The following FMN1 variants were observed in gnomAD, a reference collection of about 807,000 sequenced individuals.
FMN1 encodes the protein formin 1, also known as formin-1.
In FMN1, 110 loss-of-function variants were observed where a neutral mutation model predicts 132.4. The observed-to-expected ratio is 0.83, with a 90% CI of 0.71 to 0.97. FMN1 has a LOEUF of 0.97. Among genes scored for constraint, FMN1 ranks in the 50% least tolerant of loss-of-function variants. The pLI, the probability that FMN1 is intolerant of heterozygous loss-of-function variation, is 0.00. For missense variants in FMN1, 1,792 were observed against 1,705.3 expected (o/e 1.05, Z -0.90); for synonymous variants, 722 against 651.7 (o/e 1.11, Z -1.64).
At chr15:32,999,185 A>C (rs138797808) in intron 7 of FMN1, among the ~76,000 whole-genome samples, 1 of 152,328 alleles carries the variant, frequency 6.6e-6, no homozygotes, top group East Asian at 1.9e-4. Flanking sequence ...CATACTTGTG[A>C]AAGTTTTGTT....
chr15:32,920,819 C>T (rs2060802325), intron 10 of FMN1, among the ~76,000 whole-genome samples: 1 of 152,242 alleles, frequency 6.6e-6, no homozygotes, highest in Non-Finnish European at 1.5e-5. Context: ...GCAATTCTCT[C>T]TCCAAATATC....
chr15:32,844,588 C>T (rs2058816690), intron 17 of FMN1, among the ~76,000 whole-genome samples: 3 of 152,166 alleles, frequency 2.0e-5, no homozygotes, highest in South Asian at 4.1e-4. Context: ...TCAAATTATA[C>T]ATATAACAAA....
intron 4 of FMN1, among the ~76,000 whole-genome samples, chr15:33,103,701 T>C (rs901650558): frequency 1.3e-5 from 2 of 152,140 alleles, no homozygotes; most frequent in Admixed American, 1.3e-4. Context: ...CATTTTGTTA[T>C]GTAGAAGAGT....
rs28756786 is a variant in FMN1, at chr15:32,772,373, A to T, written c.*1937T>A. ...GCCCCACATAACTCAAAAGAGCTGA[A>T]TTATATGGCATGGGTAAAACTGGCA... On this transcript the variant is annotated 3_prime_UTR_variant, in exon 21 of 21. Transcript: ENST00000616417. 0.57 allele frequency: 85,966 copies of T among 151,930 alleles called. 24,731 individuals carry two copies. Among genetic ancestry groups the T allele is most frequent in the East Asian group, 0.77 (3,943 of 5,146 alleles). 9.4% of individuals were successfully genotyped at this position (151,930 alleles called of 1,614,324 possible).
intron 4 of FMN1, among the ~76,000 whole-genome samples, chr15:33,110,993 T>TG (rs2140124113): frequency 6.6e-6 from 1 of 152,274 alleles, no homozygotes; most frequent in Non-Finnish European, 1.5e-5. Context: ...TTAACACATG[T>TG]GAAAAAGTGC....
At chr15:33,072,931 A>AC (rs2038054510) in intron 5 of FMN1, among the ~76,000 whole-genome samples, 1 of 151,982 alleles carries the variant, frequency 6.6e-6, no homozygotes, top group East Asian at 1.9e-4. Context: ...TCAAAAAAAA[A>AC]AAAAAACAAA....
intron 3 of FMN1, among the ~76,000 whole-genome samples, chr15:33,165,400 C>T (rs903737775): frequency 7.2e-5 from 11 of 151,938 alleles, no homozygotes; most frequent in Non-Finnish European, 1.2e-4. Context: ...GTTTTTCTTT[C>T]TTTTTTTTGA....
intron 16 of FMN1, among the ~76,000 whole-genome samples, chr15:32,863,506 G>C (rs545386578): frequency 6.6e-6 from 1 of 152,248 alleles, no homozygotes; most frequent in South Asian, 2.1e-4. Context: ...CACCTACTAC[G>C]TGCCATAAAT....
intron 15 of FMN1, among the ~76,000 whole-genome samples, chr15:32,889,483 G>A (rs2059974016): frequency 1.3e-5 from 2 of 152,052 alleles, no homozygotes; most frequent in Admixed American, 6.5e-5. Flanking sequence ...TTTATGATCT[G>A]GCCTCTGTCT....
chr15:32,779,358 A>T lies in FMN1; in HGVS notation c.4131-2439T>A, dbSNP rs187889511. On this transcript the variant is annotated intron_variant, in intron 19 of 20. Coordinates refer to ENST00000616417, the MANE Select transcript of FMN1 (RefSeq NM_001277313.2). ...CAACTTATTAAAAATTCATTAATTC[A>T]GCATGATAGTATTTCTTACCCATCA... Among the ~76,000 whole-genome samples the T allele has an allele frequency of 2.6e-3, 396 of 152,362 alleles. 4 individuals are homozygous for T. The highest frequency in any genetic ancestry group is 8.9e-3 in the African/African-American group (370 of 41,582).
chr15:32,960,591 A>C (rs926064228), intron 9 of FMN1, among the ~76,000 whole-genome samples: 1 of 152,230 alleles, frequency 6.6e-6, no homozygotes, highest in African/African-American at 2.4e-5. Context: ...TTTGATTAAC[A>C]GAAAACTGAA....
At chr15:32,813,380 A>G (rs2057952202) in intron 17 of FMN1, among the ~76,000 whole-genome samples, 1 of 152,204 alleles carries the variant, frequency 6.6e-6, no homozygotes, top group Non-Finnish European at 1.5e-5. Context: ...TGGGATCTAA[A>G]TGAAGTATAT....
intron 5 of FMN1, among the ~76,000 whole-genome samples, chr15:33,073,417 G>A (rs11636433): frequency 0.33 from 50,551 of 152,012 alleles, 8,671 homozygotes; most frequent in Admixed American, 0.38. Flanking sequence ...TAAGAGTGAG[G>A]AAACTATTTC....
chr15:32,995,494 C>A (rs78544629), intron 7 of FMN1, among the ~76,000 whole-genome samples: 1 of 152,066 alleles, frequency 6.6e-6, no homozygotes, highest in Non-Finnish European at 1.5e-5. Context: ...CCTCTGAGTA[C>A]GGAACCTATA....
chr15:32,954,266 G>A (rs1567456402), intron 9 of FMN1, among the ~76,000 whole-genome samples: 1 of 152,260 alleles, frequency 6.6e-6, no homozygotes, highest in East Asian at 1.9e-4. Flanking sequence ...ATTATTTCCT[G>A]AACCCCCATG....
In FMN1 at chr15:33,154,469, T is replaced by C. The variant is rs1463693021; in HGVS notation, c.446A>G (p.Asn149Ser). The change falls in exon 4 of 21, where the codon AAT becomes AGT. Residue 149 changes from asparagine (N) to serine (S), a missense_variant. This residue lies in a region of FMN1 where 638 missense variants were observed against 645.2 expected (regional missense o/e 0.99). Coordinates refer to ENST00000616417, the MANE Select transcript of FMN1 (RefSeq NM_001277313.2). Reference sequence around the variant, plus strand: ...TTTGTTCCCGTGGGTGCTCCTCTTATTGAGAGGGCCCACGGGGAGCTCTCC... The same window carrying C: ...TTTGTTCCCGTGGGTGCTCCTCTTACTGAGAGGGCCCACGGGGAGCTCTCC... ...WQGELPVGPL[N>S]KRSTHGNKKP... 3 of 1,535,964 alleles carry C rather than the reference T, an allele frequency of 2.0e-6. No individual in the cohort carries two copies. Among genetic ancestry groups the C allele is most frequent in the East Asian group, 2.4e-5 (1 of 40,906 alleles).
chr15:33,089,477 C>A (rs1292676512), intron 4 of FMN1, among the ~76,000 whole-genome samples: 1 of 152,176 alleles, frequency 6.6e-6, no homozygotes. Context: ...GCATGAGAAA[C>A]CCATTTTGGA....
intron 17 of FMN1, among the ~76,000 whole-genome samples, chr15:32,824,017 G>A (rs1043516548): frequency 6.6e-6 from 1 of 152,212 alleles, no homozygotes; most frequent in Non-Finnish European, 1.5e-5. Context: ...AATGGCATGT[G>A]TGATTAAATA....
At chr15:32,984,893 CA>C (rs1409546970) in intron 7 of FMN1, among the ~76,000 whole-genome samples, 1 of 143,272 alleles carries the variant, frequency 7.0e-6, no homozygotes, top group Non-Finnish European at 1.5e-5. Context: ...AATTTTTTAA[CA>C]TATTTATTGA....
Sources: allele counts gnomAD v4.1 joint callset (sites outside exome capture counted in the v4.1 genomes callset), GRCh38; gene constraint gnomAD v4.1.1; regional missense constraint gnomAD v4.1.1; transcripts MANE v1.5; gene names NCBI Gene and HGNC (gene_info 2026-07-23, HGNC 2026-07-21).